The following CNTNAP2 variants were observed in gnomAD, a reference collection of about 807,000 sequenced individuals.
CNTNAP2 encodes contactin-associated protein-like 2.
A neutral mutation model predicts 155.2 loss-of-function variants in CNTNAP2; 98 were observed. That is an observed-to-expected ratio of 0.63 (90% confidence interval 0.54 to 0.75). The LOEUF is 0.75. Ranked by LOEUF, CNTNAP2 falls within the 30% of genes least tolerant of loss-of-function variation. The pLI is 0.00. For missense variants in CNTNAP2, 1,727 were observed against 1,688.1 expected (o/e 1.02, Z -0.40); for synonymous variants, 651 against 631.2 (o/e 1.03, Z -0.47).
chr7:146,312,406 T>C (rs1800839954), intron 1 of CNTNAP2, among the ~76,000 whole-genome samples: 1 of 151,746 alleles, frequency 6.6e-6, no homozygotes, highest in African/African-American at 2.4e-5. Context: ...CTTTGGTGTG[T>C]TGGCGATTTT....
intron 15 of CNTNAP2, among the ~76,000 whole-genome samples, chr7:148,057,950 C>CTTATTATTATTATTA (rs60012733): frequency 7.0e-6 from 1 of 142,748 alleles, no homozygotes; most frequent in African/African-American, 2.6e-5. Context: ...CAGCTTCCAG[C>CTTATTATTATTATTA]TTATTATTAT....
intron 18 of CNTNAP2, among the ~76,000 whole-genome samples, chr7:148,216,066 C>T (rs144983838): frequency 9.1e-4 from 139 of 152,248 alleles, no homozygotes; most frequent in Non-Finnish European, 1.7e-3. Context: ...TGTAGAAGGC[C>T]GTGAAACAGA....
Position 147,187,000 on chromosome 7 carries a change from C to T in CNTNAP2, c.1348+54491C>T, listed in dbSNP as rs776381337. Among the ~76,000 whole-genome samples, 60 of 96,968 alleles carry T rather than the reference C, an allele frequency of 6.2e-4. 15 individuals are homozygous for T. Among genetic ancestry groups the T allele is most frequent in the Non-Finnish European group, 1.5e-3 (52 of 35,456 alleles). The allele number at this position is 96,968 out of a possible 152,430, so 63.6% of individuals were successfully genotyped here. On this transcript the variant is annotated intron_variant, in intron 8 of 23. Transcript: ENST00000361727. ...TCAATAAGAATGAGTGGAGCCTAAACATTTCCATTCTAACAAATGCTCAGG... is the reference window on the plus strand; with the variant it reads ...TCAATAAGAATGAGTGGAGCCTAAATATTTCCATTCTAACAAATGCTCAGG...
chr7:148,031,074 G>A (rs1802468237), intron 15 of CNTNAP2, among the ~76,000 whole-genome samples: 1 of 152,140 alleles, frequency 6.6e-6, no homozygotes, highest in African/African-American at 2.4e-5. Context: ...CAGAGAACAG[G>A]TACTGGAAGA....
chr7:146,150,725 A>G lies in CNTNAP2; in HGVS notation c.97+33752A>G, dbSNP rs1049454924. Among the ~76,000 whole-genome samples, 6 of 152,190 alleles carry G rather than the reference A, an allele frequency of 3.9e-5. No individual in the cohort carries two copies. The South Asian group carries it at 1.0e-3, about 26-fold the overall frequency. ...GATAGTGGCCCAACTTTAGGTAGAA[A>G]TCTACTACATTTTTTGAATTGATGA... On this transcript the variant is annotated intron_variant, in intron 1 of 23. Coordinates refer to ENST00000361727, the MANE Select transcript of CNTNAP2 (RefSeq NM_014141.6).
chr7:147,372,757 A>AG (rs2116917526), intron 9 of CNTNAP2, among the ~76,000 whole-genome samples: 2 of 152,214 alleles, frequency 1.3e-5, no homozygotes, highest in South Asian at 4.2e-4. Context: ...ATCAAGTGAG[A>AG]GAGCCTGAAC....
intron 8 of CNTNAP2, among the ~76,000 whole-genome samples, chr7:147,259,046 CTA>C (rs1804397234): frequency 6.6e-6 from 1 of 152,166 alleles, no homozygotes. Context: ...AGTCACATAA[CTA>C]TATTTTAAGT....
chr7:146,408,130 G>T (rs1275046817), intron 1 of CNTNAP2, among the ~76,000 whole-genome samples: 2 of 152,026 alleles, frequency 1.3e-5, no homozygotes, highest in Non-Finnish European at 1.5e-5. Flanking sequence ...TTTGTTCAAA[G>T]GTCAACCGTA....
intron 21 of CNTNAP2, among the ~76,000 whole-genome samples, chr7:148,277,233 A>G (rs1796885773): frequency 6.6e-6 from 1 of 152,126 alleles, no homozygotes; most frequent in Admixed American, 6.5e-5. Context: ...CCTCCAGCCC[A>G]GTGTCCTGTG....
intron 3 of CNTNAP2, among the ~76,000 whole-genome samples, chr7:146,947,293 C>T (rs997915720): frequency 9.3e-5 from 14 of 150,756 alleles, no homozygotes; most frequent in African/African-American, 3.4e-4. Context: ...TCTCCAGCTT[C>T]TCAAATTGTC....
intron 1 of CNTNAP2, among the ~76,000 whole-genome samples, chr7:146,627,896 A>C (rs2129158084): frequency 6.6e-6 from 1 of 152,238 alleles, no homozygotes; most frequent in East Asian, 1.9e-4. Flanking sequence ...GTTGGTTTTA[A>C]GTTTCAGCTT....
intron 10 of CNTNAP2, among the ~76,000 whole-genome samples, chr7:147,474,054 G>C (rs375339278): frequency 4.4e-4 from 67 of 152,032 alleles, no homozygotes; most frequent in African/African-American, 1.6e-3. Context: ...ACTGCAGCCT[G>C]GGAGACAAGT....
At chr7:147,069,052 G>A (rs1584816891) in intron 4 of CNTNAP2, among the ~76,000 whole-genome samples, 1 of 152,174 alleles carries the variant, frequency 6.6e-6, no homozygotes, top group Non-Finnish European at 1.5e-5. Flanking sequence ...GTGAAAGAGA[G>A]AGGAAGTGCC....
intron 1 of CNTNAP2, among the ~76,000 whole-genome samples, chr7:146,440,230 A>T (rs1456072224): frequency 6.6e-6 from 1 of 151,720 alleles, no homozygotes; most frequent in Non-Finnish European, 1.5e-5. Context: ...GAAAACATAG[A>T]CTTTAGTAGT....
intron 4 of CNTNAP2, among the ~76,000 whole-genome samples, chr7:147,053,653 C>G (rs11973072): frequency 0.038 from 5,812 of 152,108 alleles, 120 homozygotes; most frequent in African/African-American, 0.054. Flanking sequence ...CTATGTCTGT[C>G]ACTCTGAAAT....
intron 1 of CNTNAP2, among the ~76,000 whole-genome samples, chr7:146,194,665 T>C (rs188928022): frequency 6.6e-6 from 1 of 152,320 alleles, no homozygotes; most frequent in East Asian, 1.9e-4. Flanking sequence ...AATCTTTGCT[T>C]TTTATCCATA....
chr7:147,204,583 T>C (rs915022936), intron 8 of CNTNAP2, among the ~76,000 whole-genome samples: 2 of 152,018 alleles, frequency 1.3e-5, no homozygotes, highest in African/African-American at 4.8e-5. Flanking sequence ...TTTAAAAAAA[T>C]ATTTAAAAAC....
chr7:146,626,876 GA>G (rs1799428667), intron 1 of CNTNAP2, among the ~76,000 whole-genome samples: 1 of 152,072 alleles, frequency 6.6e-6, no homozygotes, highest in Admixed American at 6.6e-5. Context: ...CTTTAAAATG[GA>G]GGCCATTCTG....
chr7:146,262,782 A>G (rs1441838272), intron 1 of CNTNAP2, among the ~76,000 whole-genome samples: 1 of 152,220 alleles, frequency 6.6e-6, no homozygotes, highest in Non-Finnish European at 1.5e-5. Context: ...TAATTTTGGC[A>G]TTGTTTAAAA....
Sources: allele counts gnomAD v4.1 joint callset (sites outside exome capture counted in the v4.1 genomes callset), GRCh38; gene constraint gnomAD v4.1.1; transcripts MANE v1.5; gene names NCBI Gene and HGNC (gene_info 2026-07-23, HGNC 2026-07-21).